Variants in LILRA2 observed in about 807,000 individuals in gnomAD.
LILRA2 encodes leukocyte immunoglobulin-like receptor subfamily A member 2.
Under a neutral mutation model 47.9 loss-of-function variants are expected in LILRA2, and 45 were observed. That is an observed-to-expected ratio of 0.94 (90% CI 0.74 to 1.20). LILRA2 has a LOEUF of 1.20. Ranked by LOEUF, LILRA2 falls within the 50% of genes most tolerant of loss-of-function variation. The probability of loss-of-function intolerance (pLI) is 0.00; values close to 1 mark genes in which losing one functional copy is unlikely to be tolerated. For missense variants in LILRA2, 651 were observed against 598.2 expected, an observed-to-expected ratio of 1.09 and a Z score of -0.92; for synonymous variants, 279 against 249.2, an observed-to-expected ratio of 1.12 and a Z score of -1.13.
In LILRA2 at chr19:54,574,826, G is replaced by T; in HGVS notation, c.448G>T (p.Asp150Tyr). 1 of 1,614,280 alleles carries T rather than the reference G, an allele frequency of 6.2e-7. No individual in the cohort carries two copies. Among genetic ancestry groups the T allele is most frequent in the Non-Finnish European group, 8.5e-7 (1 of 1,180,052 alleles). The change falls in exon 4 of 8, where the codon GAC (aspartate) becomes TAC (tyrosine). Residue 150 changes from aspartate (D) to tyrosine (Y), a missense_variant. By Grantham distance (160) the Asp-to-Tyr change is radical (BLOSUM62 -3). Coordinates refer to ENST00000391738, the MANE Select transcript of LILRA2 (RefSeq NM_001130917.3). ...TLQCVSQVAF[D>Y]GFILCKEGED... ...CCAGTGTGTCTCACAGGTGGCATTTGACGGCTTCATTCTGTGTAAGGAAGG... is the reference window on the plus strand; with the variant it reads ...CCAGTGTGTCTCACAGGTGGCATTTTACGGCTTCATTCTGTGTAAGGAAGG...
intron 2 of LILRA2, 93 bp downstream of exon 2, chr19:54,574,204 G>T: frequency 6.2e-7 from 1 of 1,614,162 alleles, no homozygotes; most frequent in Non-Finnish European, 8.5e-7. Context: ...AGCAGTTCTG[G>T]GCTGACTGAT....
chr19:54,580,079 C>T (rs1024022602), intron 6 of LILRA2, among the ~76,000 whole-genome samples: 1 of 152,082 alleles, frequency 6.6e-6, no homozygotes, highest in South Asian at 2.1e-4. Context: ...TTTCTCTTTT[C>T]CTAATTGAAT....
chr19:54,586,869 G>A lies in LILRA2; in HGVS notation c.1256-141G>A, dbSNP rs80052680. 4,607 of 578,480 alleles carry A rather than the reference G, an allele frequency of 8.0e-3. 32 individuals are homozygous for A. The highest frequency in any genetic ancestry group is 8.9e-3 in the Non-Finnish European group (2,921 of 327,996). 35.8% of individuals were successfully genotyped at this position (578,480 alleles called of 1,614,324 possible). ...CTGAAATAATTCAATGAGGAGACTG[G>A]AGGGAACCCTGCTACAGCAGAGGAA... On this transcript the variant is annotated intron_variant, in intron 6 of 7. Transcript: ENST00000391738.
chr19:54,575,843 C>G lies in LILRA2; in HGVS notation c.989C>G (p.Pro330Arg). 1 of 1,613,302 alleles carries G rather than the reference C, an allele frequency of 6.2e-7. No individual in the cohort carries two copies. The highest frequency in any genetic ancestry group is 8.5e-7 in the Non-Finnish European group (1 of 1,179,680). The change falls in exon 6 of 8, where the codon CCG becomes CGG. Residue 330 changes from proline to arginine, a missense_variant. Physicochemically the swap from Pro to Arg is moderately radical, Grantham distance 103. Transcript: ENST00000391738. Reference protein sequence around the residue: ...FYDRPSLSVQPVPTVAPGKNV... With the variant: ...FYDRPSLSVQRVPTVAPGKNV... ...GACAGACCCTCTCTCTCGGTGCAGC[C>G]GGTCCCCACAGTAGCCCCAGGAAAG...
In LILRA2 at chr19:54,579,026, TGGGTAGA is replaced by T. The variant is rs2062563093; in HGVS notation, c.1255+2918_1255+2924del. 2.6e-5 allele frequency among the ~76,000 whole-genome samples: 4 copies of T among 152,220 alleles called. No homozygotes were observed. In the South Asian group the frequency reaches 8.3e-4, roughly 32 times the overall value. On this transcript the variant is annotated intron_variant, in intron 6 of 7. Coordinates refer to ENST00000391738, the MANE Select transcript of LILRA2 (RefSeq NM_001130917.3). ...TTCTGGATATTAGCACTTTGCCAAA[TGGGTAGA>T]TTGCAAAAATTTTCTCCCATTCTGT...
chr19:54,577,589 T>A, intron 6 of LILRA2: 1 of 1,289,730 alleles, frequency 7.8e-7, no homozygotes, highest in Non-Finnish European at 1.0e-6. Flanking sequence ...ACCCCAGATG[T>A]GCTCCTTTAG....
rs761734754 is a variant in LILRA2 at position 54,575,883 on chromosome 19, G to A, written c.1029G>A (p.Leu343=). 1.2e-6 allele frequency: 2 copies of A among 1,613,926 alleles called. No homozygotes were observed. Among genetic ancestry groups the A allele is most frequent in the South Asian group, 2.2e-5 (2 of 91,064 alleles). ...CCCCAGGAAAGAACGTGACCCTGCTGTGTCAGTCACGGGGGCAGTTCCACA... is the reference window on the plus strand; with the variant it reads ...CCCCAGGAAAGAACGTGACCCTGCTATGTCAGTCACGGGGGCAGTTCCACA... The part of the protein sequence containing the change: ...TVAPGKNVTL[L]CQSRGQFHTF... Residue 343 remains leucine, a synonymous_variant, in exon 6 of 8, where the codon CTG becomes CTA. Coordinates refer to ENST00000391738, the MANE Select transcript of LILRA2 (RefSeq NM_001130917.3).
intron 6 of LILRA2, chr19:54,577,633 C>T: frequency 2.3e-6 from 3 of 1,289,696 alleles, no homozygotes; most frequent in Non-Finnish European, 1.0e-6. Context: ...GCCGCTCACA[C>T]TGCCCCTCCT....
At chr19:54,583,144 GT>G (rs2062692967) in intron 6 of LILRA2, among the ~76,000 whole-genome samples, 3 of 150,690 alleles carry the variant, frequency 2.0e-5, no homozygotes, top group Admixed American at 2.0e-4. Context: ...GTGAGAGACA[GT>G]TTGTTGTGAT....
rs1219974266 is a variant in LILRA2 at position 54,590,208 on chromosome 19, A to C, written c.*2862A>C. 1.3e-5 allele frequency: 2 copies of C among 152,120 alleles called. No homozygotes were observed. Among genetic ancestry groups the C allele is most frequent in the Non-Finnish European group, 2.9e-5 (2 of 68,038 alleles). The allele number at this position is 152,120 out of a possible 1,614,324, so 9.4% of individuals were successfully genotyped here. On this transcript the variant is annotated 3_prime_UTR_variant, in exon 8 of 8. Transcript: ENST00000391738. The stretch of plus-strand genomic sequence containing the variant: ...TCTTCTCACTCTATTCTTTGTGTGC[A>C]TTAATTATCTTTTCTATTTTTTTCA...
chr19:54,582,304 A>G (rs1380783967), intron 6 of LILRA2, among the ~76,000 whole-genome samples: 1 of 152,150 alleles, frequency 6.6e-6, no homozygotes, highest in Non-Finnish European at 1.5e-5. Context: ...TGAGTTAGGG[A>G]GGATTCCCTC....
Position 54,587,813 on chromosome 19 carries a change from A to G in LILRA2, c.*467A>G, listed in dbSNP as rs1349917251. The G allele has an allele frequency of 1.2e-4, 21 of 168,232 alleles. No individual in the cohort carries two copies. The South Asian group carries it at 3.2e-3, about 25-fold the overall frequency. The allele number at this position is 168,232 out of a possible 1,614,324, so 10.4% of individuals were successfully genotyped here. Reference sequence around the variant, plus strand: ...AGGAGATCAGATTCCAACCAGGAAAACATAAATCCACCCTGCTGCCCTGAC... The same window carrying G: ...AGGAGATCAGATTCCAACCAGGAAAGCATAAATCCACCCTGCTGCCCTGAC... On this transcript the variant is annotated 3_prime_UTR_variant, in exon 8 of 8. Transcript: ENST00000391738.
chr19:54,590,208 A>G lies in LILRA2; in HGVS notation c.*2862A>G, dbSNP rs1219974266. The G allele has an allele frequency of 6.6e-5, 10 of 152,120 alleles. No individual in the cohort carries two copies. The highest frequency in any genetic ancestry group is 2.4e-4 in the African/African-American group (10 of 41,402). The allele number at this position is 152,120 out of a possible 1,614,324, so 9.4% of individuals were successfully genotyped here. ...TCTTCTCACTCTATTCTTTGTGTGCATTAATTATCTTTTCTATTTTTTTCA... is the reference window on the plus strand; with the variant it reads ...TCTTCTCACTCTATTCTTTGTGTGCGTTAATTATCTTTTCTATTTTTTTCA... On this transcript the variant is annotated 3_prime_UTR_variant, in exon 8 of 8. Transcript: ENST00000391738.
At chr19:54,586,021 A>G (rs1243479482) in intron 6 of LILRA2, among the ~76,000 whole-genome samples, 2 of 152,074 alleles carry the variant, frequency 1.3e-5, no homozygotes, top group African/African-American at 2.4e-5. Flanking sequence ...TTACTCTTCA[A>G]TGATCTCCTT....
chr19:54,586,016 C>G (rs1316344071), intron 6 of LILRA2, among the ~76,000 whole-genome samples: 3 of 152,088 alleles, frequency 2.0e-5, no homozygotes, highest in Admixed American at 6.5e-5. Flanking sequence ...TCTAATTACT[C>G]TTCAATGATC....
chr19:54,577,501 G>T lies in LILRA2; in HGVS notation c.1255+1392G>T, dbSNP rs753757448. On this transcript the variant is annotated intron_variant, in intron 6 of 7. Coordinates refer to ENST00000391738, the MANE Select transcript of LILRA2 (RefSeq NM_001130917.3). ...ATAAGCCCTTCACCCACACCTGCGG[G>T]GTCCCTGGGCCATCTCAAGACAAGA... 2.7e-4 allele frequency: 343 copies of T among 1,289,488 alleles called. 3 individuals carry two copies. The highest frequency in any genetic ancestry group is 1.7e-3 in the South Asian group (134 of 80,970). 79.9% of individuals were successfully genotyped at this position (1,289,488 alleles called of 1,614,324 possible). A position where few individuals can be genotyped will look rare whatever the true frequency, so the allele number is the denominator to read the frequency against.
At chr19:54,583,075 A>G (rs2062690860) in intron 6 of LILRA2, among the ~76,000 whole-genome samples, 1 of 152,148 alleles carries the variant, frequency 6.6e-6, no homozygotes, top group Non-Finnish European at 1.5e-5. Flanking sequence ...GTTTCCATGT[A>G]GTTGTGTGGT....
intron 6 of LILRA2, among the ~76,000 whole-genome samples, chr19:54,586,729 C>G (rs777251110): frequency 6.6e-6 from 1 of 152,134 alleles, no homozygotes; most frequent in Non-Finnish European, 1.5e-5. Context: ...ACATAAGGTC[C>G]TGGTTATTTC....
At position 54,574,410 on chromosome 19, in the gene LILRA2, A is replaced by G. The variant is rs1396652912; in HGVS notation, c.180A>G (p.Leu60=). Residue 60 remains leucine (L), a synonymous_variant, in exon 3 of 8, where the codon CTA becomes CTG. Transcript: ENST00000391738. ...QGSLQAEEYH[L]YRENKSASWV... ...GCCTTCAGGCTGAGGAGTACCATCT[A>G]TATAGGGAAAACAAATCAGCATCCT... 1 of 1,613,970 alleles carries G rather than the reference A, an allele frequency of 6.2e-7. No individual in the cohort carries two copies. The highest frequency in any genetic ancestry group is 1.3e-5 in the African/African-American group (1 of 74,886).
Sources: allele counts gnomAD v4.1 joint callset (sites outside exome capture counted in the v4.1 genomes callset), GRCh38; gene constraint gnomAD v4.1.1; transcripts MANE v1.5; gene names NCBI Gene and HGNC (gene_info 2026-07-23, HGNC 2026-07-21).